The following FAM227B variants were observed in gnomAD, a reference collection of about 807,000 sequenced individuals.
The protein encoded by FAM227B is protein FAM227B.
A neutral mutation model predicts 73.8 loss-of-function variants in FAM227B; 88 were observed. The observed-to-expected ratio is 1.19, with a 90% CI of 1.00 to 1.42. FAM227B has a LOEUF of 1.42. FAM227B is among the 40% of genes most tolerant of loss of function. The pLI, the probability that FAM227B is intolerant of heterozygous loss-of-function variation, is 0.00. For synonymous variants in FAM227B, 210 were observed against 190.5 expected (o/e 1.10, Z -0.84); for missense variants, 632 against 590.9 (o/e 1.07, Z -0.72).
At position 49,367,309 on chromosome 15, in the gene FAM227B, C is replaced by A. The variant is rs1029751582; in HGVS notation, c.1271+139G>T. The A allele has an allele frequency of 9.9e-6, 7 of 707,316 alleles. No homozygotes were observed. The African/African-American group carries it at 1.3e-4, about 13-fold the overall frequency. 43.8% of individuals were successfully genotyped at this position (707,316 alleles called of 1,614,324 possible). A position where few individuals can be genotyped will look rare whatever the true frequency, so the allele number is the denominator to read the frequency against. On this transcript the variant is annotated intron_variant, in intron 13 of 15. Transcript: ENST00000299338. The stretch of plus-strand genomic sequence containing the variant: ...CCAAACATACTACCAAAGTTTTAAG[C>A]ATAAGTAAATATTAATACTAAACAG...
chr15:49,411,362 T>G (rs971913109), intron 11 of FAM227B, among the ~76,000 whole-genome samples: 3 of 152,250 alleles, frequency 2.0e-5, no homozygotes, highest in Admixed American at 2.0e-4. Flanking sequence ...CTAGGTATGC[T>G]AAAATAATCC....
At chr15:49,432,596 G>A (rs1448399225) in intron 11 of FAM227B, among the ~76,000 whole-genome samples, 5 of 151,390 alleles carry the variant, frequency 3.3e-5, no homozygotes, top group African/African-American at 1.2e-4. Context: ...TCTATCTTTG[G>A]TGTTGTCAAG....
chr15:49,329,766 G>C, intron 15 of FAM227B: 1 of 948,490 alleles, frequency 1.1e-6, no homozygotes, highest in South Asian at 4.9e-5. Context: ...CAAAGGATTT[G>C]TGGTTGGTAT....
intron 13 of FAM227B, among the ~76,000 whole-genome samples, chr15:49,357,320 A>G (rs1478701012): frequency 4.4e-4 from 65 of 148,432 alleles, no homozygotes; most frequent in African/African-American, 1.5e-3. Flanking sequence ...AGGATCAACA[A>G]AATTGATAGA....
intron 13 of FAM227B, among the ~76,000 whole-genome samples, chr15:49,339,967 C>G (rs1345250629): frequency 1.3e-5 from 2 of 152,158 alleles, no homozygotes; most frequent in African/African-American, 4.8e-5. Flanking sequence ...CACCCCTCCC[C>G]CCACCAAGCT....
intron 11 of FAM227B, among the ~76,000 whole-genome samples, chr15:49,445,043 T>C (rs1055548689): frequency 6.6e-6 from 1 of 151,634 alleles, no homozygotes; most frequent in Non-Finnish European, 1.5e-5. Flanking sequence ...GTCCTAATTA[T>C]TATATAGATT....
chr15:49,601,784 A>T (rs1023706739), intron 3 of FAM227B, among the ~76,000 whole-genome samples: 3 of 152,090 alleles, frequency 2.0e-5, no homozygotes, highest in African/African-American at 7.2e-5. Flanking sequence ...CCATCTCCCC[A>T]CAATCCTCCC....
intron 11 of FAM227B, among the ~76,000 whole-genome samples, chr15:49,399,876 A>G (rs1596901975): frequency 1.9e-5 from 2 of 105,054 alleles, no homozygotes; most frequent in East Asian, 2.9e-4. Context: ...ATCTATGACA[A>G]ACCCACAGCC....
At chr15:49,540,211 G>A (rs1467078454) in intron 10 of FAM227B, among the ~76,000 whole-genome samples, 1 of 152,180 alleles carries the variant, frequency 6.6e-6, no homozygotes, top group Non-Finnish European at 1.5e-5. Flanking sequence ...TGCAGGGAGT[G>A]TGTGGCTGCC....
intron 5 of FAM227B, among the ~76,000 whole-genome samples, chr15:49,581,169 T>C (rs942184985): frequency 1.3e-5 from 2 of 152,012 alleles, no homozygotes; most frequent in African/African-American, 2.4e-5. Flanking sequence ...ACAAGACACA[T>C]AGTTATCAGA....
chr15:49,519,615 T>G (rs1580996), intron 10 of FAM227B, among the ~76,000 whole-genome samples: 134,196 of 151,676 alleles, frequency 0.88, 60,705 homozygotes, highest in Non-Finnish European at 0.98. Context: ...TACATTGTAT[T>G]TTGGCTCCAT....
intron 8 of FAM227B, 86 bp downstream of exon 8, chr15:49,574,925 A>G (rs12901416): frequency 0.73 from 529,500 of 729,054 alleles, 193,910 homozygotes; most frequent in East Asian, 0.93. Context: ...ATCCAGAAAA[A>G]CATTTTTGTA....
chr15:49,434,392 T>G (rs561538812), intron 11 of FAM227B: 1 of 151,682 alleles, frequency 6.6e-6, no homozygotes, highest in African/African-American at 2.4e-5. Flanking sequence ...AATTAACAGT[T>G]GGGAGTCAAG....
rs901870181 is a variant in FAM227B at position 49,585,804 on chromosome 15, G to A, written c.405+2212C>T. The stretch of plus-strand genomic sequence containing the variant: ...ACATGTATACATATGTAACTAACCT[G>A]CACATTGTGCACATGTACCCTAAAA... On this transcript the variant is annotated intron_variant, in intron 5 of 15. Transcript: ENST00000299338. Among the ~76,000 whole-genome samples the A allele has an allele frequency of 2.0e-5, 3 of 151,934 alleles. No homozygotes were observed. In the South Asian group the frequency reaches 6.2e-4, roughly 32 times the overall value.
chr15:49,546,393 A>C lies in FAM227B; in HGVS notation c.748-4587T>G, dbSNP rs201166625. On this transcript the variant is annotated intron_variant, in intron 9 of 15. Transcript: ENST00000299338. The stretch of plus-strand genomic sequence containing the variant: ...TTTACGTTGGTTCCAAGTCTTTGCT[A>C]TTGTGAATAGTGCCGCAATAAACAT... Among the ~76,000 whole-genome samples, 5 of 152,232 alleles carry C rather than the reference A, an allele frequency of 3.3e-5. No homozygotes were observed. The East Asian group carries it at 9.6e-4, about 29-fold the overall frequency.
chr15:49,539,390 C>T (rs151152572), intron 10 of FAM227B, among the ~76,000 whole-genome samples: 1,559 of 152,260 alleles, frequency 0.01, 15 homozygotes, highest in Middle Eastern at 0.037. Flanking sequence ...TGGGCATCTT[C>T]GTGGTGGTAG....
At chr15:49,364,738 C>T (rs190545942) in intron 13 of FAM227B, among the ~76,000 whole-genome samples, 1 of 152,092 alleles carries the variant, frequency 6.6e-6, no homozygotes, top group Non-Finnish European at 1.5e-5. Context: ...ATAAAATTTG[C>T]ATAATTATTT....
chr15:49,489,820 TTTTATATATATATATATA>T (rs2056779310), intron 11 of FAM227B, among the ~76,000 whole-genome samples: 1 of 34,040 alleles, frequency 2.9e-5, no homozygotes, highest in Non-Finnish European at 5.8e-5. Context: ...TATATATATA[TTTTATATATATATATATA>T]TTTTATATAT....
chr15:49,337,836 A>G (rs1233998348), intron 13 of FAM227B, among the ~76,000 whole-genome samples: 1 of 152,134 alleles, frequency 6.6e-6, no homozygotes, highest in Non-Finnish European at 1.5e-5. Flanking sequence ...ATGTCCCTGC[A>G]ATGTTTTTTA....
Sources: allele counts gnomAD v4.1 joint callset (sites outside exome capture counted in the v4.1 genomes callset), GRCh38; gene constraint gnomAD v4.1.1; transcripts MANE v1.5; gene names NCBI Gene and HGNC (gene_info 2026-07-23, HGNC 2026-07-21).